The following NECTIN3 variants were observed in gnomAD, a reference collection of about 807,000 sequenced individuals.
NECTIN3 encodes nectin-3.
In NECTIN3, 8 loss-of-function variants were observed where a neutral mutation model predicts 49.4. The ratio of observed to expected loss-of-function variants is 0.16; its 90% CI spans 0.10 to 0.29. The LOEUF (loss-of-function observed/expected upper bound fraction) is 0.29. NECTIN3 is among the 10% of genes least tolerant of loss of function. The probability of loss-of-function intolerance (pLI) is 1.00; values close to 1 mark genes in which losing one functional copy is unlikely to be tolerated. For synonymous variants in NECTIN3, 277 were observed against 241.1 expected (o/e 1.15, Z -1.38); for missense variants, 581 against 654.6 (o/e 0.89, Z 1.23).
chr3:111,134,050 G>T lies in NECTIN3; in HGVS notation c.1485G>T (p.Trp495Cys), dbSNP rs1178344057. The stretch of plus-strand genomic sequence containing the variant: ...TAGAAGAGCCTGAAAAAACTCAGTG[G>T]AACAATGTAGAAAATCTCAATAGGT... ...DYLEEPEKTQ[W>C]NNVENLNRFE... Residue 495 changes from tryptophan to cysteine, a missense_variant, in exon 6 of 6, where the codon TGG becomes TGT. Trp to Cys is a radical substitution (Grantham distance 215). Coordinates refer to ENST00000485303, the MANE Select transcript of NECTIN3 (RefSeq NM_015480.3). 7 of 1,613,412 alleles carry T rather than the reference G, an allele frequency of 4.3e-6. No individual in the cohort carries two copies. In the East Asian group the frequency reaches 1.3e-4, roughly 31 times the overall value.
chr3:111,096,666 G>A (rs925189795), intron 1 of NECTIN3, among the ~76,000 whole-genome samples: 18 of 152,226 alleles, frequency 1.2e-4, no homozygotes, highest in South Asian at 2.1e-4. Flanking sequence ...CGTCCCAGCC[G>A]CTCCAGCCGT....
chr3:111,162,797 A>T (rs2035240307), intron 7 of NECTIN3, among the ~76,000 whole-genome samples: 1 of 152,198 alleles, frequency 6.6e-6, no homozygotes, highest in Admixed American at 6.5e-5. Flanking sequence ...AAAGCCATCA[A>T]GCTTCTTCTG....
intron 1 of NECTIN3, among the ~76,000 whole-genome samples, chr3:111,095,141 G>A (rs1173284598): frequency 6.6e-6 from 1 of 152,092 alleles, no homozygotes; most frequent in Admixed American, 6.5e-5. Flanking sequence ...AAAGTCATAG[G>A]TCATAGTGTT....
intron 7 of NECTIN3, among the ~76,000 whole-genome samples, chr3:111,169,902 A>G (rs923528294): frequency 6.6e-6 from 1 of 152,234 alleles, no homozygotes; most frequent in Admixed American, 6.5e-5. Context: ...GTACACTGCC[A>G]CTGATAGCAT....
At chr3:111,153,722 G>A (rs2035042572) in intron 7 of NECTIN3, among the ~76,000 whole-genome samples, 1 of 152,016 alleles carries the variant, frequency 6.6e-6, no homozygotes, top group African/African-American at 2.4e-5. Flanking sequence ...TCTTTTAGAA[G>A]TATCCATACC....
In NECTIN3 at chr3:111,133,791, T is replaced by C. The variant is rs537220727; in HGVS notation, c.1226T>C (p.Val409Ala). The C allele has an allele frequency of 6.8e-6, 11 of 1,613,842 alleles. 1 individual carries two copies. Among genetic ancestry groups the C allele is most frequent in the Admixed American group, 5.0e-5 (3 of 59,978 alleles). Reference sequence around the variant, plus strand: ...ACAATTGCCACGATCATTGCTAGTGTAGTGGGTGGGGCTCTCTTCATAGTA... The same window carrying C: ...ACAATTGCCACGATCATTGCTAGTGCAGTGGGTGGGGCTCTCTTCATAGTA... Reference protein sequence around the residue: ...DDTIATIIASVVGGALFIVLV... With the variant: ...DDTIATIIASAVGGALFIVLV... The change falls in exon 6 of 6, where the codon GTA becomes GCA. Residue 409 changes from valine (V) to alanine (A), a missense_variant. By Grantham distance (64) the Val-to-Ala change is moderately conservative. Around this residue, in one of 3 missense-constraint regions of NECTIN3, gnomAD observed 238 missense variants for 244.9 expected, o/e 0.97. Coordinates refer to ENST00000485303, the MANE Select transcript of NECTIN3 (RefSeq NM_015480.3).
Position 111,112,115 on chromosome 3 carries a change from A to G in NECTIN3, c.246A>G (p.Val82=), listed in dbSNP as rs1460308736. Residue 82 remains valine, a synonymous_variant, in exon 2 of 6, where the codon GTA becomes GTG. Coordinates refer to ENST00000485303, the MANE Select transcript of NECTIN3 (RefSeq NM_015480.3). ...KNVSLKCLIE[V]NETITQISWE... ...TTTCATTAAAGTGTTTAATTGAAGTAAATGAAACCATAACACAGATTTCAT... is the reference window on the plus strand; with the variant it reads ...TTTCATTAAAGTGTTTAATTGAAGTGAATGAAACCATAACACAGATTTCAT... 9.9e-6 allele frequency: 16 copies of G among 1,613,498 alleles called. No individual in the cohort carries two copies. Among genetic ancestry groups the G allele is most frequent in the African/African-American group, 1.3e-5 (1 of 74,892 alleles).
chr3:111,109,192 G>C lies in NECTIN3; in HGVS notation c.161-2838G>C, dbSNP rs113355101. On this transcript the variant is annotated intron_variant, in intron 1 of 5. Transcript: ENST00000485303. ...CAGTCCAATCATGGGGAGCCCACCT[G>C]TATGACTTTATTTAAACCTAATTAT... Among the ~76,000 whole-genome samples the C allele has an allele frequency of 3.2e-3, 487 of 152,150 alleles. 4 individuals are homozygous for C. The highest frequency in any genetic ancestry group is 0.011 in the African/African-American group (459 of 41,528).
intron 1 of NECTIN3, among the ~76,000 whole-genome samples, chr3:111,095,583 A>G (rs1217387274): frequency 1.3e-5 from 2 of 152,168 alleles, no homozygotes; most frequent in Non-Finnish European, 2.9e-5. Context: ...ACAGCTTTAC[A>G]TATTAATATG....
Position 111,122,172 on chromosome 3 carries a change from G to C in NECTIN3, c.851G>C (p.Arg284Thr). 1 of 1,613,584 alleles carries C rather than the reference G, an allele frequency of 6.2e-7. No individual in the cohort carries two copies. The highest frequency in any genetic ancestry group is 8.5e-7 in the Non-Finnish European group (1 of 1,179,678). Residue 284 changes from arginine (R) to threonine (T), a missense_variant, in exon 4 of 6, where the codon AGA becomes ACA. Coordinates refer to ENST00000485303, the MANE Select transcript of NECTIN3 (RefSeq NM_015480.3). Reference sequence around the variant, plus strand: ...TATGATGGAAATTGGTTTGTAGGAAGAAAAGGTGTTAATCTCAAATGTAAT... The same window carrying C: ...TATGATGGAAATTGGTTTGTAGGAACAAAAGGTGTTAATCTCAAATGTAAT... ...TGYDGNWFVG[R>T]KGVNLKCNAD...
At chr3:111,169,657 A>T (rs1345367564) in intron 7 of NECTIN3, among the ~76,000 whole-genome samples, 1 of 152,168 alleles carries the variant, frequency 6.6e-6, no homozygotes, top group Non-Finnish European at 1.5e-5. Context: ...TAAAACACTC[A>T]GCGGCAAGTA....
At chr3:111,105,196 G>A (rs2033123864) in intron 1 of NECTIN3, among the ~76,000 whole-genome samples, 1 of 148,648 alleles carries the variant, frequency 6.7e-6, no homozygotes, top group Non-Finnish European at 1.5e-5. Context: ...AGGCTGGAGT[G>A]CAGTGGCACG....
chr3:111,127,465 C>CT lies in NECTIN3; in HGVS notation c.1069+1149dup, dbSNP rs35153084. Among the ~76,000 whole-genome samples, 508 of 101,096 alleles carry CT rather than the reference C, an allele frequency of 5.0e-3. 2 individuals carry two copies. Among genetic ancestry groups the CT allele is most frequent in the South Asian group, 0.019 (56 of 2,990 alleles). 66.3% of individuals were successfully genotyped at this position (101,096 alleles called of 152,430 possible). A position where few individuals can be genotyped will look rare whatever the true frequency, so the allele number is the denominator to read the frequency against. On this transcript the variant is annotated intron_variant, in intron 5 of 5. Coordinates refer to ENST00000485303, the MANE Select transcript of NECTIN3 (RefSeq NM_015480.3). ...GGCACATGATAGAGGTGCAAACTTT[C>CT]TTTTTTTTTTTTTTTTTTTGCATGA...
intron 5 of NECTIN3, among the ~76,000 whole-genome samples, chr3:111,131,650 A>ATTT (rs1398871237): frequency 6.6e-6 from 1 of 151,932 alleles, no homozygotes; most frequent in Admixed American, 6.6e-5. Flanking sequence ...TCAAAGCCAT[A>ATTT]TTTTGTTAAA....
intron 5 of NECTIN3, 70 bp from the exon 6 acceptor site, chr3:111,133,565 G>T: frequency 6.6e-7 from 1 of 1,520,502 alleles, no homozygotes; most frequent in Non-Finnish European, 8.8e-7. Context: ...TTGTCAACTT[G>T]CTGCTGAATC....
chr3:111,112,453 AATTTG>A, intron 2 of NECTIN3, 82 bp downstream of exon 2: 3 of 897,396 alleles, frequency 3.3e-6, no homozygotes, highest in Non-Finnish European at 4.9e-6. Context: ...AAATGGTTGA[AATTTG>A]ATTTAACTTT....
In NECTIN3 at chr3:111,113,151, A is replaced by G. The variant is rs554828540; in HGVS notation, c.502+780A>G. On this transcript the variant is annotated intron_variant, in intron 2 of 5. Transcript: ENST00000485303. ...AGTTTTCAGGGCTATTCTTTTTGTG[A>G]GTGACCTCAGGCCAGTGACTAAGTG... 2.0e-5 allele frequency among the ~76,000 whole-genome samples: 3 copies of G among 152,222 alleles called. No homozygotes were observed. In the South Asian group the frequency reaches 6.2e-4, roughly 32 times the overall value.
intron 7 of NECTIN3, among the ~76,000 whole-genome samples, chr3:111,180,953 T>TA (rs1299175626): frequency 2.6e-5 from 4 of 152,274 alleles, no homozygotes; most frequent in East Asian, 1.9e-4. Context: ...TAAAAAAACT[T>TA]TATTGAGTTG....
At chr3:111,085,931 A>T (rs879347926) in intron 1 of NECTIN3, among the ~76,000 whole-genome samples, 2 of 152,176 alleles carry the variant, frequency 1.3e-5, no homozygotes, top group East Asian at 1.9e-4. Context: ...ACTCCCACCA[A>T]TAATGTTTGA....
Sources: gnomAD v4.1 joint callset for allele counts (sites outside exome capture counted in the v4.1 genomes callset) on GRCh38, gnomAD v4.1.1 for gene constraint, gnomAD v4.1.1 regional missense constraint, MANE v1.5 for transcripts, NCBI Gene and HGNC (gene_info 2026-07-23, HGNC 2026-07-21) for gene names.